FAM20B: variants seen among roughly 807,000 people sequenced by gnomAD.
FAM20B encodes glycosaminoglycan xylosylkinase.
Under a neutral mutation model 43.8 loss-of-function variants are expected in FAM20B, and 23 were observed. The ratio of observed to expected loss-of-function variants is 0.53; its 90% CI spans 0.38 to 0.74. FAM20B has a LOEUF of 0.74. Among genes scored for constraint, FAM20B ranks in the 30% least tolerant of loss-of-function variants. FAM20B has a pLI of 0.00. For missense variants in FAM20B, 440 were observed against 510.5 expected, an observed-to-expected ratio of 0.86 and a Z score of 1.33; for synonymous variants, 178 against 192.4, an observed-to-expected ratio of 0.93 and a Z score of 0.62.
At chr1:179,026,870 T>C (rs544638630) in intron 1 of FAM20B, among the ~76,000 whole-genome samples, 11 of 152,338 alleles carry the variant, frequency 7.2e-5, no homozygotes, top group African/African-American at 2.6e-4. Context: ...CTGACTTCTG[T>C]TAACCTGCCA....
intron 7 of FAM20B, among the ~76,000 whole-genome samples, chr1:179,068,193 A>G (rs1359766261): frequency 6.6e-6 from 1 of 152,166 alleles, no homozygotes; most frequent in Non-Finnish European, 1.5e-5. Flanking sequence ...ATCACATAAG[A>G]CTGCCATAGC....
Position 179,044,171 on chromosome 1 carries a change from G to C in FAM20B, c.324G>C (p.Leu108=). 1 of 1,614,042 alleles carries C rather than the reference G, an allele frequency of 6.2e-7. No homozygotes were observed. The highest frequency in any genetic ancestry group is 8.5e-7 in the Non-Finnish European group (1 of 1,179,992). The part of the protein sequence containing the change: ...KADVGYKGTQ[L]KALLILEGGQ... The stretch of plus-strand genomic sequence containing the variant: ...ATGTGGGTTATAAAGGGACACAGCT[G>C]AAAGCCTTACTGATACTTGAAGGAG... The change falls in exon 2 of 8, where the codon CTG becomes CTC. Residue 108 remains leucine (L), a synonymous_variant. Coordinates refer to ENST00000263733, the MANE Select transcript of FAM20B (RefSeq NM_014864.4).
intron 4 of FAM20B, among the ~76,000 whole-genome samples, chr1:179,055,349 A>C (rs1235625059): frequency 2.0e-5 from 3 of 152,194 alleles, no homozygotes; most frequent in Non-Finnish European, 4.4e-5. Flanking sequence ...AGTGCTCTGC[A>C]TTAGGGCATG....
chr1:179,017,561 T>C, the FAM20B span, among the ~76,000 whole-genome samples: 171 of 152,374 alleles, frequency 1.1e-3, 1 homozygote, highest in Admixed American at 3.8e-3. Flanking sequence ...TTCATTTTCC[T>C]TGTAAGTTTC....
intron 4 of FAM20B, among the ~76,000 whole-genome samples, chr1:179,060,914 A>T (rs1023391509): frequency 2.6e-5 from 4 of 152,168 alleles, no homozygotes; most frequent in African/African-American, 9.7e-5. Context: ...TGTATTTCAT[A>T]TGAAGCATCT....
chr1:179,047,263 C>A (rs3766636), intron 2 of FAM20B, among the ~76,000 whole-genome samples: 70,468 of 151,774 alleles, frequency 0.46, 16,775 homozygotes, highest in African/African-American at 0.54. Context: ...ACCACTGCAG[C>A]CTTCTCATTA....
chr1:179,049,908 C>T (rs563144778), intron 2 of FAM20B, among the ~76,000 whole-genome samples: 1 of 152,292 alleles, frequency 6.6e-6, no homozygotes, highest in South Asian at 2.1e-4. Flanking sequence ...TTTTAGTAGA[C>T]ATTTATTAAG....
At position 179,037,358 on chromosome 1, in the gene FAM20B, C is replaced by CTTTT. The variant is rs11389595; in HGVS notation, c.-133-6351_-133-6348dup. Among the ~76,000 whole-genome samples the CTTTT allele has an allele frequency of 3.4e-3, 509 of 150,492 alleles. 3 individuals are homozygous for CTTTT. The highest frequency in any genetic ancestry group is 0.012 in the African/African-American group (485 of 40,908). ...ACAAACATGAAAACTTGTTTAGTCT[C>CTTTT]TTTTTTTTTAACCTGCCCTCACTTA... On this transcript the variant is annotated intron_variant, in intron 1 of 7. Transcript: ENST00000263733.
intron 7 of FAM20B, among the ~76,000 whole-genome samples, chr1:179,069,805 G>A (rs1403812993): frequency 2.0e-5 from 3 of 152,188 alleles, no homozygotes; most frequent in African/African-American, 7.2e-5. Flanking sequence ...CTCCGTCTGT[G>A]CCTGTTTGTC....
chr1:179,033,778 C>T (rs562058932), intron 1 of FAM20B, among the ~76,000 whole-genome samples: 14 of 152,200 alleles, frequency 9.2e-5, no homozygotes, highest in African/African-American at 2.2e-4. Context: ...CTGCAACCTC[C>T]GCCTCCTGGG....
intron 1 of FAM20B, among the ~76,000 whole-genome samples, chr1:179,032,466 T>C (rs1650056390): frequency 6.6e-6 from 1 of 151,960 alleles, no homozygotes; most frequent in Non-Finnish European, 1.5e-5. Context: ...GTAATAGTAT[T>C]CTTGTTTCAT....
At chr1:179,064,546 A>G (rs1360897094) in intron 6 of FAM20B, 50 bp downstream of exon 6, 2 of 1,443,746 alleles carry the variant, frequency 1.4e-6, no homozygotes, top group Non-Finnish European at 9.6e-7. Flanking sequence ...TGTATATGAA[A>G]GAAGGGCATT....
intron 1 of FAM20B, among the ~76,000 whole-genome samples, chr1:179,041,013 G>A (rs1277198048): frequency 6.7e-6 from 1 of 149,038 alleles, no homozygotes; most frequent in Non-Finnish European, 1.5e-5. Flanking sequence ...CATCTCAGAC[G>A]ATGGGCAGCC....
At chr1:179,065,032 A>G (rs1458624108) in intron 6 of FAM20B, among the ~76,000 whole-genome samples, 1 of 152,052 alleles carries the variant, frequency 6.6e-6, no homozygotes, top group Non-Finnish European at 1.5e-5. Flanking sequence ...AAAAATGTTT[A>G]TTCATTTTGA....
At chr1:179,048,172 C>T (rs1034941053) in intron 2 of FAM20B, among the ~76,000 whole-genome samples, 2 of 151,722 alleles carry the variant, frequency 1.3e-5, no homozygotes, top group African/African-American at 4.8e-5. Context: ...GGAAAAAGAA[C>T]AAGAAGGCAG....
chr1:179,026,552 C>T (rs980588557), intron 1 of FAM20B, among the ~76,000 whole-genome samples: 3 of 152,166 alleles, frequency 2.0e-5, no homozygotes, highest in African/African-American at 7.2e-5. Context: ...GGGAGCGCGC[C>T]CTCGCGGGGT....
intron 7 of FAM20B, among the ~76,000 whole-genome samples, chr1:179,070,238 G>T (rs1484006394): frequency 2.6e-5 from 4 of 151,810 alleles, no homozygotes; most frequent in African/African-American, 9.7e-5. Flanking sequence ...GAGAGATGGG[G>T]TTTCACCATG....
chr1:179,046,358 T>C (rs770359347), intron 2 of FAM20B, among the ~76,000 whole-genome samples: 2 of 152,164 alleles, frequency 1.3e-5, no homozygotes, highest in African/African-American at 2.4e-5. Context: ...AAAATTTGTA[T>C]ATAAAGAGAT....
chr1:179,067,214 G>A (rs530460437), intron 7 of FAM20B, among the ~76,000 whole-genome samples: 243 of 151,484 alleles, frequency 1.6e-3, no homozygotes, highest in Middle Eastern at 3.5e-3. Context: ...GTTACCTTGT[G>A]GTTTTAACTC....
Sources: gnomAD v4.1 joint callset for allele counts (sites outside exome capture counted in the v4.1 genomes callset) on GRCh38, gnomAD v4.1.1 for gene constraint, MANE v1.5 for transcripts, NCBI Gene and HGNC (gene_info 2026-07-23, HGNC 2026-07-21) for gene names.